The following KIF16B variants were observed in gnomAD, a reference collection of about 807,000 sequenced individuals.
The protein encoded by KIF16B is kinesin family member 16B, also known as kinesin-like protein KIF16B.
A neutral mutation model predicts 156.3 loss-of-function variants in KIF16B; 98 were observed. The ratio of observed to expected loss-of-function variants is 0.63; its 90% CI spans 0.53 to 0.74. The LOEUF (loss-of-function observed/expected upper bound fraction) is 0.74. Among genes scored for constraint, KIF16B ranks in the 30% least tolerant of loss-of-function variants. The probability of loss-of-function intolerance (pLI) is 0.00; values close to 1 mark genes in which losing one functional copy is unlikely to be tolerated. For synonymous variants in KIF16B, 564 were observed against 583.7 expected (o/e 0.97, Z 0.49); for missense variants, 1,421 against 1,606.5 (o/e 0.88, Z 1.97).
intron 12 of KIF16B, among the ~76,000 whole-genome samples, chr20:16,479,089 C>A (rs2067903153): frequency 6.6e-6 from 1 of 152,126 alleles, no homozygotes; most frequent in Admixed American, 6.5e-5. Flanking sequence ...TTGTGTTATA[C>A]AACTATGTAC....
intron 7 of KIF16B, 111 bp from the exon 8 acceptor site, chr20:16,506,301 AT>A (rs1190515898): frequency 2.2e-6 from 2 of 890,324 alleles, no homozygotes; most frequent in Non-Finnish European, 3.5e-6. Context: ...CAGGGTAGAT[AT>A]TTTTCAATTT....
chr20:16,398,564 C>T (rs1212495280), intron 17 of KIF16B, among the ~76,000 whole-genome samples: 2 of 152,174 alleles, frequency 1.3e-5, no homozygotes, highest in Non-Finnish European at 2.9e-5. Context: ...AGCTCTGCAA[C>T]ATTTGCTGCT....
At chr20:16,406,497 G>T in intron 15 of KIF16B, 41 bp from the exon 16 acceptor site, 1 of 1,543,520 alleles carries the variant, frequency 6.5e-7, no homozygotes, top group Non-Finnish European at 9.0e-7. Context: ...ACAGTAAGCA[G>T]TCTGGTCAGT....
intron 1 of KIF16B, among the ~76,000 whole-genome samples, chr20:16,535,984 TG>T (rs2147198468): frequency 6.6e-6 from 1 of 152,322 alleles, no homozygotes; most frequent in African/African-American, 2.4e-5. Flanking sequence ...ATCTGACTAC[TG>T]GGTATTTATC....
intron 17 of KIF16B, among the ~76,000 whole-genome samples, chr20:16,399,490 C>T (rs2065594977): frequency 6.6e-6 from 1 of 152,176 alleles, no homozygotes; most frequent in African/African-American, 2.4e-5. Flanking sequence ...GATGGGCCCT[C>T]AAGCACCACT....
At chr20:16,424,063 T>C (rs2066292264) in intron 15 of KIF16B, among the ~76,000 whole-genome samples, 2 of 152,080 alleles carry the variant, frequency 1.3e-5, no homozygotes, top group African/African-American at 4.8e-5. Flanking sequence ...CCCTCCATTC[T>C]ACATTGCTAG....
intron 1 of KIF16B, among the ~76,000 whole-genome samples, chr20:16,570,670 T>C (rs1316150644): frequency 6.6e-6 from 1 of 152,232 alleles, no homozygotes; most frequent in Non-Finnish European, 1.5e-5. Context: ...GGTTATCAAC[T>C]AGCCTTGTCT....
At chr20:16,571,631 CTT>C (rs869288784) in intron 1 of KIF16B, among the ~76,000 whole-genome samples, 22 of 142,870 alleles carry the variant, frequency 1.5e-4, no homozygotes, top group Non-Finnish European at 1.2e-4. Flanking sequence ...TTAACAAATA[CTT>C]TTTTTTTTTT....
chr20:16,292,789 T>G (rs1478835759), intron 25 of KIF16B, among the ~76,000 whole-genome samples: 1 of 152,202 alleles, frequency 6.6e-6, no homozygotes, highest in Non-Finnish European at 1.5e-5. Flanking sequence ...GGAGAGCAAC[T>G]AAACTGACAT....
chr20:16,560,131 G>C (rs1032239727), intron 1 of KIF16B, among the ~76,000 whole-genome samples: 16 of 152,228 alleles, frequency 1.1e-4, no homozygotes, highest in African/African-American at 3.1e-4. Context: ...TCACATGTGA[G>C]CACCAGCCAA....
At position 16,379,631 on chromosome 20, in the gene KIF16B, TCTC is replaced by T. The variant is rs778348708; in HGVS notation, c.2368_2370del (p.Glu790del). The T allele has an allele frequency of 1.2e-6, 2 of 1,613,996 alleles. No individual in the cohort carries two copies. Among genetic ancestry groups the T allele is most frequent in the Non-Finnish European group, 1.7e-6 (2 of 1,179,986 alleles). ...TCCCGAATGCCTTCCAGGTCCCTCT[TCTC>T]CTCTTCCACCCACTGTACCTCCCCA... On this transcript the variant is annotated inframe_deletion, in exon 19 of 26. Transcript: ENST00000354981.
chr20:16,311,286 C>T lies in KIF16B; in HGVS notation c.3795+1049G>A, dbSNP rs550011516. Among the ~76,000 whole-genome samples the T allele has an allele frequency of 6.6e-5, 10 of 152,160 alleles. No homozygotes were observed. In the East Asian group the frequency reaches 1.2e-3, roughly 18 times the overall value. ...GGAGGATGGCTTGAGGTCAAGAGCT[C>T]GAGACCAGCTTGGCCAACATGGTGA... On this transcript the variant is annotated intron_variant, in intron 25 of 25. Coordinates refer to ENST00000354981, the MANE Select transcript of KIF16B (RefSeq NM_024704.5).
chr20:16,454,481 A>G (rs992860796), intron 12 of KIF16B, among the ~76,000 whole-genome samples: 3 of 151,686 alleles, frequency 2.0e-5, no homozygotes, highest in Admixed American at 1.3e-4. Flanking sequence ...GGAAAGGTAT[A>G]TACAGATAAA....
At chr20:16,296,284 ACTT>A (rs2063384991) in intron 25 of KIF16B, among the ~76,000 whole-genome samples, 1 of 152,160 alleles carries the variant, frequency 6.6e-6, no homozygotes, top group Non-Finnish European at 1.5e-5. Flanking sequence ...TGTGATATCT[ACTT>A]CTGCTTCAGA....
intron 12 of KIF16B, among the ~76,000 whole-genome samples, chr20:16,489,343 C>T (rs756849690): frequency 1.3e-5 from 2 of 152,062 alleles, no homozygotes; most frequent in Non-Finnish European, 2.9e-5. Context: ...GGTCAGCCCA[C>T]GAGACAGGGC....
At chr20:16,294,806 G>T (rs1380695477) in intron 25 of KIF16B, among the ~76,000 whole-genome samples, 2 of 152,066 alleles carry the variant, frequency 1.3e-5, no homozygotes, top group Admixed American at 1.3e-4. Context: ...GAGTAAGGGG[G>T]ACTCCAGCTT....
rs1250981844 is a variant in KIF16B, at chr20:16,374,248, G to A, written c.3350+9C>T. 3.2e-6 allele frequency: 5 copies of A among 1,551,620 alleles called. No homozygotes were observed. In the African/African-American group the frequency reaches 5.5e-5, roughly 17 times the overall value. On this transcript the variant is annotated intron_variant, in intron 20 of 25. Transcript: ENST00000354981. ...ATGAGAAGCCTGGAATCACTTTCAT[G>A]TCCAGTACCTGGCATCCATGAGGGG...
At chr20:16,387,098 T>A (rs758596417) in intron 17 of KIF16B, among the ~76,000 whole-genome samples, 1 of 152,092 alleles carries the variant, frequency 6.6e-6, no homozygotes, top group Non-Finnish European at 1.5e-5. Context: ...CTATATGGAG[T>A]CAGGAACAAG....
At chr20:16,364,184 G>C (rs1293252502) in intron 22 of KIF16B, among the ~76,000 whole-genome samples, 1 of 152,202 alleles carries the variant, frequency 6.6e-6, no homozygotes, top group Non-Finnish European at 1.5e-5. Flanking sequence ...GAGACACACT[G>C]TTTTGAAATG....
Sources: allele counts gnomAD v4.1 joint callset (sites outside exome capture counted in the v4.1 genomes callset), GRCh38; gene constraint gnomAD v4.1.1; transcripts MANE v1.5; gene names NCBI Gene and HGNC (gene_info 2026-07-23, HGNC 2026-07-21).